CNTN5: variants seen among roughly 807,000 people sequenced by gnomAD.
CNTN5 encodes the protein contactin 5.
Under a neutral mutation model 129.1 loss-of-function variants are expected in CNTN5, and 77 were observed. That is an observed-to-expected ratio of 0.60 (90% CI 0.50 to 0.72). The LOEUF (loss-of-function observed/expected upper bound fraction) is 0.72. CNTN5 is among the 30% of genes least tolerant of loss of function. The probability of loss-of-function intolerance (pLI) is 0.00; values close to 1 mark genes in which losing one functional copy is unlikely to be tolerated. For synonymous variants in CNTN5, 509 were observed against 465.6 expected (o/e 1.09, Z -1.20); for missense variants, 1,478 against 1,328.8 (o/e 1.11, Z -1.75).
intron 1 of CNTN5, among the ~76,000 whole-genome samples, chr11:99,132,225 C>G (rs1244485331): frequency 1.3e-5 from 2 of 150,952 alleles, no homozygotes; most frequent in Non-Finnish European, 2.9e-5. Context: ...AAAAAAAACT[C>G]TCAATAAACT....
intron 2 of CNTN5, among the ~76,000 whole-genome samples, chr11:99,375,893 TA>T (rs975143570): frequency 2.0e-5 from 3 of 152,092 alleles, no homozygotes; most frequent in Admixed American, 6.6e-5. Context: ...AATTACTTAA[TA>T]AAAAATATTT....
chr11:99,445,425 C>G (rs1944022701), intron 2 of CNTN5, among the ~76,000 whole-genome samples: 1 of 152,204 alleles, frequency 6.6e-6, no homozygotes, highest in Admixed American at 6.5e-5. Flanking sequence ...TCCTTCATTT[C>G]TCAATGAATA....
chr11:100,249,401 G>T (rs1205384602), intron 16 of CNTN5, among the ~76,000 whole-genome samples: 4 of 152,054 alleles, frequency 2.6e-5, no homozygotes, highest in Non-Finnish European at 4.4e-5. Flanking sequence ...CTTTTGATTT[G>T]TCATTTGCTC....
chr11:99,902,063 T>C (rs758051789), intron 6 of CNTN5, among the ~76,000 whole-genome samples: 1 of 152,172 alleles, frequency 6.6e-6, no homozygotes. Context: ...GTCAAGCTTT[T>C]ATACATTGCA....
chr11:99,884,963 C>T (rs148275362), intron 6 of CNTN5, among the ~76,000 whole-genome samples: 195 of 152,050 alleles, frequency 1.3e-3, no homozygotes, highest in South Asian at 2.9e-3. Context: ...AGCGACAGAG[C>T]GACACCCCAT....
chr11:99,799,174 A>G (rs1946038655), intron 3 of CNTN5, among the ~76,000 whole-genome samples: 1 of 152,014 alleles, frequency 6.6e-6, no homozygotes, highest in Admixed American at 6.6e-5. Flanking sequence ...TTCTATGTAT[A>G]GAATCATATT....
At chr11:100,178,310 C>G (rs1271084004) in intron 13 of CNTN5, among the ~76,000 whole-genome samples, 1 of 152,074 alleles carries the variant, frequency 6.6e-6, no homozygotes, top group African/African-American at 2.4e-5. Context: ...CTTTTGAATT[C>G]TCCTCCTTTG....
At chr11:100,186,563 A>C (rs2138479927) in intron 13 of CNTN5, among the ~76,000 whole-genome samples, 1 of 152,248 alleles carries the variant, frequency 6.6e-6, no homozygotes, top group East Asian at 1.9e-4. Flanking sequence ...CAAGGTGAGA[A>C]GCAAGACATC....
At chr11:99,168,652 C>T (rs1473155305) in intron 1 of CNTN5, among the ~76,000 whole-genome samples, 1 of 152,020 alleles carries the variant, frequency 6.6e-6, no homozygotes, top group Admixed American at 6.6e-5. Context: ...TATATCGTAA[C>T]TACCTTTGAT....
intron 3 of CNTN5, among the ~76,000 whole-genome samples, chr11:99,658,941 C>A (rs1450471768): frequency 6.7e-6 from 1 of 150,268 alleles, no homozygotes; most frequent in African/African-American, 2.4e-5. Context: ...ATTGCCCTGT[C>A]TAGAACCCTC....
At chr11:100,274,562 G>T (rs1320018271) in intron 18 of CNTN5, among the ~76,000 whole-genome samples, 1 of 152,120 alleles carries the variant, frequency 6.6e-6, no homozygotes, top group African/African-American at 2.4e-5. Flanking sequence ...AGTGAGCAAA[G>T]GACATGTGTA....
intron 2 of CNTN5, among the ~76,000 whole-genome samples, chr11:99,502,511 G>T (rs1446256392): frequency 6.6e-6 from 1 of 152,090 alleles, no homozygotes; most frequent in Non-Finnish European, 1.5e-5. Context: ...CCACAACTTT[G>T]CTTGGCACTT....
intron 3 of CNTN5, among the ~76,000 whole-genome samples, chr11:99,580,444 T>C (rs1019764163): frequency 1.3e-5 from 2 of 152,192 alleles, no homozygotes; most frequent in African/African-American, 4.8e-5. Context: ...AATTTGACTG[T>C]GAATCCATCT....
At chr11:99,689,311 A>C (rs541340556) in intron 3 of CNTN5, among the ~76,000 whole-genome samples, 78 of 152,084 alleles carry the variant, frequency 5.1e-4, no homozygotes, top group Non-Finnish European at 6.5e-4. Flanking sequence ...GCAGATCACA[A>C]GGTCAGGAGA....
intron 8 of CNTN5, among the ~76,000 whole-genome samples, chr11:99,990,402 A>T (rs916536884): frequency 1.3e-5 from 2 of 150,878 alleles, no homozygotes; most frequent in East Asian, 1.9e-4. Context: ...TCCAAAAAAA[A>T]ATATTTTTAG....
At chr11:99,425,416 G>A (rs1466601708) in intron 2 of CNTN5, among the ~76,000 whole-genome samples, 1 of 152,194 alleles carries the variant, frequency 6.6e-6, no homozygotes, top group Non-Finnish European at 1.5e-5. Flanking sequence ...GGTTGTTCGT[G>A]CTGAGAGATG....
intron 1 of CNTN5, among the ~76,000 whole-genome samples, chr11:99,167,968 A>G (rs553713843): frequency 2.4e-4 from 36 of 151,708 alleles, no homozygotes; most frequent in Middle Eastern, 6.8e-3. Flanking sequence ...TAGCATGTCA[A>G]TCTGTTCCCC....
intron 1 of CNTN5, among the ~76,000 whole-genome samples, chr11:99,225,347 T>A (rs1215683839): frequency 6.6e-6 from 1 of 152,134 alleles, no homozygotes; most frequent in African/African-American, 2.4e-5. Flanking sequence ...GAAAGGCTAT[T>A]GCCTTTTTGT....
intron 2 of CNTN5, among the ~76,000 whole-genome samples, chr11:99,535,199 T>C (rs1591237083): frequency 6.6e-6 from 1 of 152,178 alleles, no homozygotes; most frequent in East Asian, 1.9e-4. Context: ...AGTGGCATTA[T>C]TGAAAGACAA....
Sources: allele counts gnomAD v4.1 joint callset (sites outside exome capture counted in the v4.1 genomes callset), GRCh38; gene constraint gnomAD v4.1.1; transcripts MANE v1.5; gene names NCBI Gene and HGNC (gene_info 2026-07-23, HGNC 2026-07-21).